Variants in MEX3A observed in about 807,000 individuals in gnomAD.
MEX3A encodes the protein RNA-binding protein MEX3A.
A neutral mutation model predicts 30.0 loss-of-function variants in MEX3A; 4 were observed. That is an observed-to-expected ratio of 0.13 (90% confidence interval 0.07 to 0.30). The LOEUF (loss-of-function observed/expected upper bound fraction) is 0.30. Ranked by LOEUF, MEX3A falls within the 10% of genes least tolerant of loss-of-function variation. MEX3A has a pLI of 1.00. For synonymous variants in MEX3A, 335 were observed against 327.6 expected (o/e 1.02, Z -0.24); for missense variants, 555 against 736.7 (o/e 0.75, Z 2.86).
chr1:156,079,570 G>A (rs1270171961), intron 1 of MEX3A, among the ~76,000 whole-genome samples: 1 of 152,120 alleles, frequency 6.6e-6, no homozygotes, highest in Non-Finnish European at 1.5e-5. Context: ...GTTTCCTCTT[G>A]TCTTCAGACC....
rs2102780403 is a variant in MEX3A at position 156,082,335 on chromosome 1, C to T, written c.-337G>A. Among the ~76,000 whole-genome samples the T allele has an allele frequency of 6.6e-6, 1 of 152,152 alleles. No individual in the cohort carries two copies. The highest frequency in any genetic ancestry group is 2.1e-4 in the South Asian group (1 of 4,828). On this transcript the variant is annotated 5_prime_UTR_variant, in exon 1 of 2. Coordinates refer to ENST00000532414, the MANE Select transcript of MEX3A (RefSeq NM_001093725.2). ...GGATCTCTGCCCCCACCCCTCCCGC[C>T]TCGGACCTGGGAGTCTCTAGCCCCC...
rs1647996360 is a variant in MEX3A at position 156,074,263 on chromosome 1, A to G, written c.*2311T>C. The G allele has an allele frequency of 6.6e-6, 1 of 152,186 alleles. No individual in the cohort carries two copies. Among genetic ancestry groups the G allele is most frequent in the African/African-American group, 2.4e-5 (1 of 41,378 alleles). 9.4% of individuals were successfully genotyped at this position (152,186 alleles called of 1,614,324 possible). On this transcript the variant is annotated 3_prime_UTR_variant, in exon 2 of 2. Coordinates refer to ENST00000532414, the MANE Select transcript of MEX3A (RefSeq NM_001093725.2). ...TTTTTATTTTTTTAAGGATCACTTT[A>G]TCATAAAATAAAATATCCTTTTCAT... is the stretch of plus-strand genomic sequence containing the variant.
Position 156,077,777 on chromosome 1 carries a change from G to A in MEX3A, c.455-95C>T, listed in dbSNP as rs181616844. The A allele has an allele frequency of 1.5e-4, 217 of 1,450,168 alleles. No homozygotes were observed. In the African/African-American group the frequency reaches 2.7e-3, roughly 18 times the overall value. 89.8% of individuals were successfully genotyped at this position (1,450,168 alleles called of 1,614,324 possible). A position where few individuals can be genotyped will look rare whatever the true frequency, so the allele number is the denominator to read the frequency against. On this transcript the variant is annotated intron_variant, in intron 1 of 1. Coordinates refer to ENST00000532414, the MANE Select transcript of MEX3A (RefSeq NM_001093725.2). The surrounding 1 kb of genome is among the most constrained non-coding windows in gnomAD (Gnocchi z 8.3). ...TTCCTGATCCTTACCCAAATACCTA[G>A]CCTCCCAGGAACACTTCAGTCTACC... is the stretch of plus-strand genomic sequence containing the variant.
chr1:156,081,692 G>T lies in MEX3A; in HGVS notation c.307C>A (p.Pro103Thr). Residue 103 changes from proline to threonine, a missense_variant, in exon 1 of 2, where the codon CCC becomes ACC. Physicochemically the swap from Pro to Thr is conservative, Grantham distance 38. Coordinates refer to ENST00000532414, the MANE Select transcript of MEX3A (RefSeq NM_001093725.2). ...CTCGCCCCTTTGGGGGCGGTGGGGG[G>T]CTGGGGCGTCTGCGCTGCGGGGGCC... ...TAAPAAQTPQ[P>T]PTAPKGASDA... 7.3e-7 allele frequency: 1 copy of T among 1,369,010 alleles called. No individual in the cohort carries two copies. Among genetic ancestry groups the T allele is most frequent in the South Asian group, 1.5e-5 (1 of 67,710 alleles). 84.8% of individuals were successfully genotyped at this position (1,369,010 alleles called of 1,614,324 possible).
chr1:156,076,526 C>T lies in MEX3A; in HGVS notation c.*48G>A. The T allele has an allele frequency of 6.5e-7, 1 of 1,550,282 alleles. No homozygotes were observed. The highest frequency in any genetic ancestry group is 8.7e-7 in the Non-Finnish European group (1 of 1,143,286). Reference sequence around the variant, plus strand: ...CAAAAGGCTTTAGTGGAAAACAGGTCCAGGGTGGGCCCAGTGGAGTGGGCC... The same window carrying T: ...CAAAAGGCTTTAGTGGAAAACAGGTTCAGGGTGGGCCCAGTGGAGTGGGCC... On this transcript the variant is annotated 3_prime_UTR_variant, in exon 2 of 2. Coordinates refer to ENST00000532414, the MANE Select transcript of MEX3A (RefSeq NM_001093725.2). This position sits in a 1 kb window ranked among gnomAD's most constrained non-coding sequence, Gnocchi z 6.0.
rs72708253 is a variant in MEX3A at position 156,074,607 on chromosome 1, A to C, written c.*1967T>G. On this transcript the variant is annotated 3_prime_UTR_variant, in exon 2 of 2. Transcript: ENST00000532414. ...GTAACAGTCTTCTGCCTTTGTGGGT[A>C]AAGAGTGGAGAGGGGGAGGGGGACG... 1.8e-3 allele frequency: 277 copies of C among 152,686 alleles called. 1 individual carries two copies. The highest frequency in any genetic ancestry group is 2.6e-3 in the Admixed American group (39 of 15,280). 9.5% of individuals were successfully genotyped at this position (152,686 alleles called of 1,614,324 possible). A position where few individuals can be genotyped will look rare whatever the true frequency, so the allele number is the denominator to read the frequency against.
intron 1 of MEX3A, among the ~76,000 whole-genome samples, chr1:156,080,593 C>T (rs1052991769): frequency 6.6e-5 from 10 of 152,078 alleles, no homozygotes; most frequent in Non-Finnish European, 1.5e-5. Context: ...GGAAGGGTCC[C>T]CAAGATCCCG....
At chr1:156,081,016 G>T (rs1463997515) in intron 1 of MEX3A, among the ~76,000 whole-genome samples, 1 of 151,888 alleles carries the variant, frequency 6.6e-6, no homozygotes, top group Non-Finnish European at 1.5e-5. Flanking sequence ...TCTTCCCCAG[G>T]CTGGGACCCT....
chr1:156,073,864 G>A lies in MEX3A; in HGVS notation c.*2710C>T, dbSNP rs1466612100. On this transcript the variant is annotated 3_prime_UTR_variant, in exon 2 of 2. Transcript: ENST00000532414. ...CGACAGGGCAGGGGAAAGTGGTGGG[G>A]GACACCCCAGGATCCTCAGTCCTTA... 6.5e-6 allele frequency: 1 copy of A among 152,716 alleles called. No homozygotes were observed. Among genetic ancestry groups the A allele is most frequent in the Non-Finnish European group, 1.5e-5 (1 of 68,016 alleles). The allele number at this position is 152,716 out of a possible 1,614,324, so 9.5% of individuals were successfully genotyped here.
At position 156,076,094 on chromosome 1, in the gene MEX3A, G is replaced by A. The variant is rs1648054517; in HGVS notation, c.*480C>T. 6.5e-6 allele frequency: 1 copy of A among 154,452 alleles called. No individual in the cohort carries two copies. Among genetic ancestry groups the A allele is most frequent in the African/African-American group, 2.4e-5 (1 of 41,444 alleles). The allele number at this position is 154,452 out of a possible 1,614,324, so 9.6% of individuals were successfully genotyped here. ...ATATGGGGGTGGGGTGGGAGGTAAA[G>A]GGTCATGTTAGGAGGTCGGAGGTCA... On this transcript the variant is annotated 3_prime_UTR_variant, in exon 2 of 2. Coordinates refer to ENST00000532414, the MANE Select transcript of MEX3A (RefSeq NM_001093725.2). The surrounding 1 kb of genome is among the most constrained non-coding windows in gnomAD (Gnocchi z 6.0).
In MEX3A at chr1:156,077,261, A is replaced by T. The variant is rs767284212; in HGVS notation, c.876T>A (p.Thr292=). 6.2e-7 allele frequency: 1 copy of T among 1,613,902 alleles called. No homozygotes were observed. The highest frequency in any genetic ancestry group is 8.5e-7 in the Non-Finnish European group (1 of 1,179,846). Residue 292 remains threonine, a synonymous_variant, in exon 2 of 2, where the codon ACT becomes ACA. Transcript: ENST00000532414. The surrounding 1 kb of genome is among the most constrained non-coding windows in gnomAD (Gnocchi z 8.3). ...EEIETHIAVR[T]GKILEYNNEN... Reference sequence around the variant, plus strand: ...CATTGTTGTACTCGAGGATCTTGCCAGTGCGCACCGCGATGTGCGTCTCGA... The same window carrying T: ...CATTGTTGTACTCGAGGATCTTGCCTGTGCGCACCGCGATGTGCGTCTCGA...
At position 156,076,268 on chromosome 1, in the gene MEX3A, C is replaced by T. The variant is rs1412586831; in HGVS notation, c.*306G>A. 7.2e-6 allele frequency: 2 copies of T among 277,148 alleles called. No homozygotes were observed. Among genetic ancestry groups the T allele is most frequent in the Non-Finnish European group, 1.4e-5 (2 of 147,784 alleles). The allele number at this position is 277,148 out of a possible 1,614,324, so 17.2% of individuals were successfully genotyped here. A position where few individuals can be genotyped will look rare whatever the true frequency, so the allele number is the denominator to read the frequency against. ...AGAGGGCGTCAGAATGCCTTAGTGGCCACCTCTGGCAAAACAAAAGTTTCT... is the reference window on the plus strand; with the variant it reads ...AGAGGGCGTCAGAATGCCTTAGTGGTCACCTCTGGCAAAACAAAAGTTTCT... On this transcript the variant is annotated 3_prime_UTR_variant, in exon 2 of 2. Coordinates refer to ENST00000532414, the MANE Select transcript of MEX3A (RefSeq NM_001093725.2). This position sits in a 1 kb window ranked among gnomAD's most constrained non-coding sequence, Gnocchi z 6.0.
chr1:156,079,918 T>C (rs1248553136), intron 1 of MEX3A, among the ~76,000 whole-genome samples: 2 of 152,122 alleles, frequency 1.3e-5, no homozygotes. Flanking sequence ...AAGCATCTCT[T>C]GAAGGGAAGA....
intron 1 of MEX3A, among the ~76,000 whole-genome samples, chr1:156,078,800 T>C (rs538267365): frequency 6.6e-6 from 1 of 151,974 alleles, no homozygotes; most frequent in Admixed American, 6.5e-5. Flanking sequence ...ACCTAAGAGG[T>C]GTGCCTTTAT....
At position 156,077,233 on chromosome 1, in the gene MEX3A, T is replaced by G. The variant is rs1648104445; in HGVS notation, c.904A>C (p.Asn302His). ...TGKILEYNNE[N>H]DFLAGSPDAA... ...TCGGGGCTCCCCGCCAGGAAGTCGTTTTCATTGTTGTACTCGAGGATCTTG... is the reference window on the plus strand; with the variant it reads ...TCGGGGCTCCCCGCCAGGAAGTCGTGTTCATTGTTGTACTCGAGGATCTTG... Residue 302 changes from asparagine to histidine, a missense_variant, in exon 2 of 2, where the codon AAC becomes CAC. This residue lies in a region of MEX3A where 281 missense variants were observed against 265.1 expected (regional missense o/e 1.06). Coordinates refer to ENST00000532414, the MANE Select transcript of MEX3A (RefSeq NM_001093725.2). This position sits in a 1 kb window ranked among gnomAD's most constrained non-coding sequence, Gnocchi z 8.3. 1 of 1,613,742 alleles carries G rather than the reference T, an allele frequency of 6.2e-7. No homozygotes were observed. The highest frequency in any genetic ancestry group is 8.5e-7 in the Non-Finnish European group (1 of 1,179,846).
Position 156,076,878 on chromosome 1 carries a change from G to A in MEX3A, c.1259C>T (p.Ala420Val), listed in dbSNP as rs755380923. 6.5e-7 allele frequency: 1 copy of A among 1,541,066 alleles called. No homozygotes were observed. Among genetic ancestry groups the A allele is most frequent in the African/African-American group, 1.4e-5 (1 of 72,922 alleles). ...SSSSSSAKAR[A>V]GPPGAHRSPA... The stretch of plus-strand genomic sequence containing the variant: ...GGAGCGGTGTGCGCCCGGGGGCCCA[G>A]CGCGGGCCTTGGCGGAAGAGGAGGA... The change falls in exon 2 of 2, where the codon GCT (alanine) becomes GTT (valine). Residue 420 changes from alanine (A) to valine (V), a missense_variant. By Grantham distance (64) the Ala-to-Val change is moderately conservative. Coordinates refer to ENST00000532414, the MANE Select transcript of MEX3A (RefSeq NM_001093725.2). The surrounding 1 kb of genome is among the most constrained non-coding windows in gnomAD (Gnocchi z 6.0).
At position 156,077,030 on chromosome 1, in the gene MEX3A, G is replaced by A; in HGVS notation, c.1107C>T (p.Leu369=). 4 of 1,613,722 alleles carry A rather than the reference G, an allele frequency of 2.5e-6. No individual in the cohort carries two copies. The South Asian group carries it at 3.3e-5, about 13-fold the overall frequency. The change falls in exon 2 of 2, where the codon CTC becomes CTT. Residue 369 remains leucine, a synonymous_variant. Coordinates refer to ENST00000532414, the MANE Select transcript of MEX3A (RefSeq NM_001093725.2). This position sits in a 1 kb window ranked among gnomAD's most constrained non-coding sequence, Gnocchi z 8.3. ...GCTTGCCCACGCCATAGCCCGGAAA[G>A]AGGTACCCGCCGTAGCCAAAGTCCC... The part of the protein sequence containing the change: ...QGGDFGYGGY[L]FPGYGVGKQD...
Position 156,077,812 on chromosome 1 carries a change from G to T in MEX3A, c.455-130C>A. 1 of 1,314,252 alleles carries T rather than the reference G, an allele frequency of 7.6e-7. No homozygotes were observed. The highest frequency in any genetic ancestry group is 1.0e-6 in the Non-Finnish European group (1 of 988,378). The allele number at this position is 1,314,252 out of a possible 1,614,324, so 81.4% of individuals were successfully genotyped here. ...AACACTTCAGTCTACCCTTTGAAAT[G>T]CCCACTGCTGCACACACAGTCCACC... On this transcript the variant is annotated intron_variant, in intron 1 of 1. Coordinates refer to ENST00000532414, the MANE Select transcript of MEX3A (RefSeq NM_001093725.2). This position sits in a 1 kb window ranked among gnomAD's most constrained non-coding sequence, Gnocchi z 8.3.
Position 156,081,542 on chromosome 1 carries a change from T to C in MEX3A, c.454+3A>G. ...CTCTCAGTGGTCCCGGCGCCCCGCT[T>C]ACCTTGCCTGCCCACGATCTCGGCC... On this transcript the variant is annotated splice_donor_region_variant and intron_variant, in intron 1 of 1. Coordinates refer to ENST00000532414, the MANE Select transcript of MEX3A (RefSeq NM_001093725.2). The C allele has an allele frequency of 2.5e-6, 4 of 1,603,864 alleles. No individual in the cohort carries two copies. The highest frequency in any genetic ancestry group is 3.4e-6 in the Non-Finnish European group (4 of 1,176,802).
Sources: allele counts gnomAD v4.1 joint callset (sites outside exome capture counted in the v4.1 genomes callset), GRCh38; gene constraint gnomAD v4.1.1; regional missense constraint gnomAD v4.1.1; non-coding constraint Gnocchi (gnomAD v3.1); transcripts MANE v1.5; gene names NCBI Gene and HGNC (gene_info 2026-07-23, HGNC 2026-07-21).